Variants in FAM222B observed in about 807,000 individuals in gnomAD.
FAM222B encodes the protein family with sequence similarity 222 member B.
A neutral mutation model predicts 38.0 loss-of-function variants in FAM222B; 12 were observed. The ratio of observed to expected loss-of-function variants is 0.32; its 90% CI spans 0.20 to 0.51. The LOEUF (loss-of-function observed/expected upper bound fraction) is 0.51, where lower values mean the gene tolerates loss of function less well. FAM222B is among the 20% of genes least tolerant of loss of function. The pLI, the probability that FAM222B is intolerant of heterozygous loss-of-function variation, is 0.97. For synonymous variants in FAM222B, 329 were observed against 317.2 expected, an observed-to-expected ratio of 1.04 and a Z score of -0.40; for missense variants, 716 against 754.2, an observed-to-expected ratio of 0.95 and a Z score of 0.59.
intron 1 of FAM222B, among the ~76,000 whole-genome samples, chr17:28,827,674 G>T (rs546547533): frequency 6.6e-6 from 1 of 152,180 alleles, no homozygotes; most frequent in Non-Finnish European, 1.5e-5. Flanking sequence ...TGTTTGTTCA[G>T]ATAATTGTTT....
chr17:28,778,719 A>ATTTTTTTTTT (rs59098589), intron 1 of FAM222B, among the ~76,000 whole-genome samples: 6 of 25,494 alleles, frequency 2.4e-4, no homozygotes, highest in African/African-American at 3.0e-4. Flanking sequence ...ATATATATAT[A>ATTTTTTTTTT]TTTTTTTTTT....
At chr17:28,813,945 C>T (rs2037915476) in intron 1 of FAM222B, among the ~76,000 whole-genome samples, 1 of 151,808 alleles carries the variant, frequency 6.6e-6, no homozygotes, top group South Asian at 2.1e-4. Flanking sequence ...CGCGGTGTGT[C>T]TCACCTGTAA....
Position 28,756,704 on chromosome 17 carries a change from C to A in FAM222B, c.*1566G>T, listed in dbSNP as rs779101778. Reference sequence around the variant, plus strand: ...ATAAATTAGGACTTCATGTTGCTATCATTTGGCATAACACAATCAGGCTTT... The same window carrying A: ...ATAAATTAGGACTTCATGTTGCTATAATTTGGCATAACACAATCAGGCTTT... On this transcript the variant is annotated 3_prime_UTR_variant, in exon 3 of 3. Coordinates refer to ENST00000581407, the MANE Select transcript of FAM222B (RefSeq NM_001077498.3). The A allele has an allele frequency of 6.6e-6, 1 of 151,438 alleles. No individual in the cohort carries two copies. Among genetic ancestry groups the A allele is most frequent in the Non-Finnish European group, 1.5e-5 (1 of 67,844 alleles). 9.4% of individuals were successfully genotyped at this position (151,438 alleles called of 1,614,324 possible).
intron 1 of FAM222B, among the ~76,000 whole-genome samples, chr17:28,814,814 T>C (rs2037950917): frequency 7.2e-6 from 1 of 139,752 alleles, no homozygotes; most frequent in African/African-American, 2.7e-5. Context: ...CGATCTGTCA[T>C]CCAGGCTGGA....
chr17:28,764,689 T>G (rs1326306309), intron 2 of FAM222B, among the ~76,000 whole-genome samples: 5 of 150,206 alleles, frequency 3.3e-5, no homozygotes, highest in African/African-American at 4.9e-5. Flanking sequence ...GGAGGTTGCG[T>G]TGAGCCGAGA....
chr17:28,804,077 T>C (rs4794838), intron 1 of FAM222B, among the ~76,000 whole-genome samples: 28,683 of 152,106 alleles, frequency 0.19, 2,859 homozygotes, highest in South Asian at 0.3. Context: ...TAATTCTCCA[T>C]AGCACCTCAG....
chr17:28,816,379 T>C lies in FAM222B; in HGVS notation c.-41+26303A>G, dbSNP rs2038023589. ...TTTAAACTATGTTGAACATATCTTT[T>C]ATAGTCAGTAAAAGATACTAAAACA... On this transcript the variant is annotated intron_variant, in intron 1 of 2. Coordinates refer to ENST00000581407, the MANE Select transcript of FAM222B (RefSeq NM_001077498.3). 2.6e-5 allele frequency among the ~76,000 whole-genome samples: 4 copies of C among 152,194 alleles called. No individual in the cohort carries two copies. The South Asian group carries it at 8.3e-4, about 32-fold the overall frequency.
intron 1 of FAM222B, among the ~76,000 whole-genome samples, chr17:28,851,916 G>C (rs941272212): frequency 1.3e-5 from 2 of 151,486 alleles, no homozygotes; most frequent in South Asian, 4.2e-4. Flanking sequence ...GCTGGGCGTG[G>C]TCAGGCACAT....
chr17:28,850,406 A>C (rs986004624), intron 1 of FAM222B, among the ~76,000 whole-genome samples: 5 of 151,498 alleles, frequency 3.3e-5, no homozygotes, highest in Non-Finnish European at 7.4e-5. Flanking sequence ...GGTTCACGCC[A>C]TTCTCCTGCC....
chr17:28,758,109 A>G lies in FAM222B; in HGVS notation c.*161T>C, dbSNP rs2034796514. The G allele has an allele frequency of 3.0e-5, 19 of 623,036 alleles. No homozygotes were observed. The South Asian group carries it at 5.2e-4, about 17-fold the overall frequency. The allele number at this position is 623,036 out of a possible 1,614,324, so 38.6% of individuals were successfully genotyped here. On this transcript the variant is annotated 3_prime_UTR_variant, in exon 3 of 3. Transcript: ENST00000581407. ...AGTTGCTGGAGGGGAGGACGAGAGG[A>G]CCCCTTCTGTCCCCACTTAGATCCC...
At chr17:28,775,836 G>C (rs1024108727) in intron 1 of FAM222B, among the ~76,000 whole-genome samples, 4 of 149,980 alleles carry the variant, frequency 2.7e-5, no homozygotes, top group African/African-American at 9.8e-5. Flanking sequence ...AGCCGAGATG[G>C]CGCCACTACA....
rs1297028176 is a variant in FAM222B, at chr17:28,850,590, G to A, written c.-41+4360C>T. 2.0e-5 allele frequency among the ~76,000 whole-genome samples: 3 copies of A among 152,100 alleles called. 1 individual carries two copies. The highest frequency in any genetic ancestry group is 4.4e-5 in the Non-Finnish European group (3 of 68,008). On this transcript the variant is annotated intron_variant, in intron 1 of 2. Transcript: ENST00000577513. The stretch of plus-strand genomic sequence containing the variant: ...TGGGATTAGAGGCTTGAGCCACCGC[G>A]CCCGGCCGGCCACATGAGTTTCTTT...
At chr17:28,780,233 G>A (rs2036108555) in intron 1 of FAM222B, among the ~76,000 whole-genome samples, 1 of 152,002 alleles carries the variant, frequency 6.6e-6, no homozygotes, top group Non-Finnish European at 1.5e-5. Context: ...GCCCACTCCA[G>A]CCACTTTTAT....
chr17:28,759,621 A>G lies in FAM222B; in HGVS notation c.338T>C (p.Leu113Pro). ...AIVKVPAKSILKDFDGTRARL... is the reference protein window; with the variant it reads ...AIVKVPAKSIPKDFDGTRARL... ...GGCTCGGGTGCCGTCAAAGTCCTTGAGTATGCTTTTGGCTGGCACTTTGAC... is the reference window on the plus strand; with the variant it reads ...GGCTCGGGTGCCGTCAAAGTCCTTGGGTATGCTTTTGGCTGGCACTTTGAC... The change falls in exon 3 of 3, where the codon CTC becomes CCC. Residue 113 changes from leucine (L) to proline (P), a missense_variant. Leu to Pro is a moderately conservative substitution (Grantham distance 98, BLOSUM62 -3). Transcript: ENST00000581407. This position sits in a 1 kb window ranked among gnomAD's most constrained non-coding sequence, Gnocchi z 4.8. The G allele has an allele frequency of 6.2e-7, 1 of 1,612,940 alleles. No individual in the cohort carries two copies. Among genetic ancestry groups the G allele is most frequent in the South Asian group, 1.1e-5 (1 of 90,814 alleles).
At chr17:28,828,158 T>G (rs942790807) in intron 1 of FAM222B, among the ~76,000 whole-genome samples, 1 of 131,154 alleles carries the variant, frequency 7.6e-6, no homozygotes, top group Non-Finnish European at 1.5e-5. Flanking sequence ...TTGCCCAGGC[T>G]GGAGTGCAAT....
At chr17:28,790,969 G>A (rs2036655689) in intron 1 of FAM222B, among the ~76,000 whole-genome samples, 1 of 130,222 alleles carries the variant, frequency 7.7e-6, no homozygotes, top group South Asian at 2.4e-4. Flanking sequence ...CGAGATCTTG[G>A]CTCACTGCAA....
chr17:28,840,574 GCC>G (rs1439873506), intron 1 of FAM222B, among the ~76,000 whole-genome samples: 1 of 152,120 alleles, frequency 6.6e-6, no homozygotes, highest in Admixed American at 6.6e-5. Flanking sequence ...CTAGAGGGCT[GCC>G]TTATGCATAT....
chr17:28,849,335 C>T (rs140944230), intron 1 of FAM222B: 2 of 152,218 alleles, frequency 1.3e-5, no homozygotes, highest in East Asian at 3.9e-4. Context: ...ACTCTTCGGA[C>T]CCGGGGCCAT....
In FAM222B at chr17:28,759,038, G is replaced by A; in HGVS notation, c.921C>T (p.Ser307=). Residue 307 remains serine, a synonymous_variant, in exon 3 of 3, where the codon AGC becomes AGT. Transcript: ENST00000581407. The surrounding 1 kb of genome is among the most constrained non-coding windows in gnomAD (Gnocchi z 4.8). Reference sequence around the variant, plus strand: ...GGACGCTGTGGGTCGACACCCGGGTGCTTGCATTGATGAGCAGACTGCGAC... The same window carrying A: ...GGACGCTGTGGGTCGACACCCGGGTACTTGCATTGATGAGCAGACTGCGAC... The part of the protein sequence containing the change: ...PISRSLLINA[S]TRVSTHSVPT... 1 of 1,612,840 alleles carries A rather than the reference G, an allele frequency of 6.2e-7. No individual in the cohort carries two copies. Among genetic ancestry groups the A allele is most frequent in the Non-Finnish European group, 8.5e-7 (1 of 1,179,422 alleles).
Sources: allele counts gnomAD v4.1 joint callset (sites outside exome capture counted in the v4.1 genomes callset), GRCh38; gene constraint gnomAD v4.1.1; non-coding constraint Gnocchi (gnomAD v3.1); transcripts MANE v1.5; gene names NCBI Gene and HGNC (gene_info 2026-07-23, HGNC 2026-07-21).